Variants in ANGPT2 observed in about 807,000 individuals in gnomAD.
The protein encoded by ANGPT2 is angiopoietin-2.
Under a neutral mutation model 62.9 loss-of-function variants are expected in ANGPT2, and 28 were observed. The observed-to-expected ratio is 0.44, with a 90% CI of 0.33 to 0.61. The LOEUF (loss-of-function observed/expected upper bound fraction) is 0.61. Ranked by LOEUF, ANGPT2 falls within the 20% of genes least tolerant of loss-of-function variation. The pLI is 0.03. For missense variants in ANGPT2, 727 were observed against 594.9 expected (o/e 1.22, Z -2.31); for synonymous variants, 284 against 207.8 (o/e 1.37, Z -3.15).
chr8:6,546,483 G>A (rs1226051838), intron 1 of ANGPT2, among the ~76,000 whole-genome samples: 1 of 152,116 alleles, frequency 6.6e-6, no homozygotes, highest in African/African-American at 2.4e-5. Context: ...TGCCTAACTG[G>A]CAAATATATT....
At chr8:6,504,317 CAAAAA>C (rs35379672) in intron 8 of ANGPT2, among the ~76,000 whole-genome samples, 1 of 85,914 alleles carries the variant, frequency 1.2e-5, no homozygotes. Context: ...GACTCCAGCT[CAAAAA>C]AAAAAAAAAA....
At chr8:6,550,107 C>T (rs1341124148) in intron 1 of ANGPT2, among the ~76,000 whole-genome samples, 1 of 152,210 alleles carries the variant, frequency 6.6e-6, no homozygotes, top group East Asian at 1.9e-4. Flanking sequence ...AAAAGAATTA[C>T]ATTTCAATTT....
Position 6,501,732 on chromosome 8 carries a change from T to G in ANGPT2, c.*1369A>C, listed in dbSNP as rs886468804. The G allele has an allele frequency of 1.3e-5, 2 of 151,796 alleles. No homozygotes were observed. 9.4% of individuals were successfully genotyped at this position (151,796 alleles called of 1,614,324 possible). A position where few individuals can be genotyped will look rare whatever the true frequency, so the allele number is the denominator to read the frequency against. On this transcript the variant is annotated 3_prime_UTR_variant, in exon 9 of 9. Coordinates refer to ENST00000629816, the MANE Select transcript of ANGPT2 (RefSeq NM_001118887.2). The stretch of plus-strand genomic sequence containing the variant: ...CAGCACGCCTGGCTAATTTTTGTAT[T>G]ATTTAGTAGAGACAGGGTTTCACCA...
In ANGPT2 at chr8:6,513,701, G is replaced by C; in HGVS notation, c.1173C>G (p.Leu391=). Residue 391 remains leucine, a synonymous_variant, in exon 7 of 9, where the codon CTC becomes CTG. Transcript: ENST00000629816. ...ACCTATAATTGAGTTCTTCACTTGA[G>C]AGATAGAAATGTTCATACAATGAGT... ...EAYSLYEHFY[L]SSEELNYRIH... 6.2e-7 allele frequency: 1 copy of C among 1,611,882 alleles called. No homozygotes were observed. The highest frequency in any genetic ancestry group is 8.5e-7 in the Non-Finnish European group (1 of 1,179,428).
intron 1 of ANGPT2, among the ~76,000 whole-genome samples, chr8:6,547,289 T>TAA (rs1346228949): frequency 6.6e-6 from 1 of 152,100 alleles, no homozygotes; most frequent in African/African-American, 2.4e-5. Flanking sequence ...ATGCTTGTGG[T>TAA]AAAAGTACAG....
At chr8:6,561,618 C>G (rs1320461026) in intron 1 of ANGPT2, among the ~76,000 whole-genome samples, 1 of 152,240 alleles carries the variant, frequency 6.6e-6, no homozygotes, top group Non-Finnish European at 1.5e-5. Flanking sequence ...TAGATAATCA[C>G]ATTCCCTGCC....
chr8:6,552,516 G>T (rs1022311482), intron 1 of ANGPT2, among the ~76,000 whole-genome samples: 1 of 152,160 alleles, frequency 6.6e-6, no homozygotes, highest in Admixed American at 6.5e-5. Context: ...CATTTAACCC[G>T]ATTAGGGTGA....
chr8:6,532,342 A>G lies in ANGPT2; in HGVS notation c.434T>C (p.Val145Ala), dbSNP rs1161598061. 6.2e-7 allele frequency: 1 copy of G among 1,613,968 alleles called. No individual in the cohort carries two copies. The highest frequency in any genetic ancestry group is 2.2e-5 in the East Asian group (1 of 44,890). ...TGTGGCATTACTTACTTGGGCTTCCACATCAGTTAACTTCCGCGTTTGCTC... is the reference window on the plus strand; with the variant it reads ...TGTGGCATTACTTACTTGGGCTTCCGCATCAGTTAACTTCCGCGTTTGCTC... ...TAEQTRKLTDVEAQVLNQTTR... is the reference protein window; with the variant it reads ...TAEQTRKLTDAEAQVLNQTTR... The change falls in exon 2 of 9, where the codon GTG becomes GCG. Residue 145 changes from valine to alanine, a missense_variant. Val to Ala is a moderately conservative substitution (Grantham distance 64). Transcript: ENST00000629816.
intron 1 of ANGPT2, among the ~76,000 whole-genome samples, chr8:6,532,848 C>A (rs528264562): frequency 1.3e-5 from 2 of 152,184 alleles, no homozygotes; most frequent in South Asian, 2.1e-4. Flanking sequence ...TCCTACCCAG[C>A]TGCAACTCTG....
intron 2 of ANGPT2, 124 bp from the exon 3 acceptor site, chr8:6,527,800 G>T: frequency 1.1e-6 from 1 of 911,094 alleles, no homozygotes; most frequent in Non-Finnish European, 1.6e-6. Flanking sequence ...ATTAACCCAA[G>T]TATCTTATTT....
intron 1 of ANGPT2, among the ~76,000 whole-genome samples, chr8:6,552,248 G>T (rs536604814): frequency 1.3e-5 from 2 of 152,172 alleles, no homozygotes. Flanking sequence ...AAGCAGCATT[G>T]CTTACGACTC....
chr8:6,530,400 G>A (rs538809676), intron 2 of ANGPT2, among the ~76,000 whole-genome samples: 4 of 151,380 alleles, frequency 2.6e-5, no homozygotes, highest in Admixed American at 6.6e-5. Context: ...TCCCAGCTAC[G>A]CGGGAGGCTA....
intron 1 of ANGPT2, among the ~76,000 whole-genome samples, chr8:6,554,179 C>T (rs1319838558): frequency 6.6e-6 from 1 of 150,718 alleles, no homozygotes; most frequent in African/African-American, 2.5e-5. Flanking sequence ...ATTAAACCAC[C>T]TGGATAGCCC....
chr8:6,508,785 C>G, intron 8 of ANGPT2, 147 bp downstream of exon 8: 1 of 1,170,370 alleles, frequency 8.5e-7, no homozygotes, highest in Non-Finnish European at 1.2e-6. Context: ...AAGTGAAAAA[C>G]ACATTTACCT....
intron 2 of ANGPT2, among the ~76,000 whole-genome samples, chr8:6,530,784 C>T (rs1012220822): frequency 6.6e-6 from 1 of 152,086 alleles, no homozygotes; most frequent in Admixed American, 6.6e-5. Flanking sequence ...TCTATCATTT[C>T]ACTACTGTTT....
intron 1 of ANGPT2, among the ~76,000 whole-genome samples, chr8:6,544,895 T>C (rs897077325): frequency 1.3e-5 from 2 of 152,210 alleles, no homozygotes; most frequent in African/African-American, 4.8e-5. Context: ...AACATCAGAT[T>C]CTTTGGTCAG....
rs1818546739 is a variant in ANGPT2, at chr8:6,527,475, A to G, written c.566+80T>C. Reference sequence around the variant, plus strand: ...AGACATGAAGAAACTCACCATTCTGATAATTCATCATTTGAGACCGACTTT... The same window carrying G: ...AGACATGAAGAAACTCACCATTCTGGTAATTCATCATTTGAGACCGACTTT... On this transcript the variant is annotated intron_variant, in intron 3 of 8. Coordinates refer to ENST00000629816, the MANE Select transcript of ANGPT2 (RefSeq NM_001118887.2). 5 of 1,520,562 alleles carry G rather than the reference A, an allele frequency of 3.3e-6. No individual in the cohort carries two copies. In the South Asian group the frequency reaches 6.0e-5, roughly 18 times the overall value. 94.2% of individuals were successfully genotyped at this position (1,520,562 alleles called of 1,614,324 possible).
intron 8 of ANGPT2, among the ~76,000 whole-genome samples, chr8:6,505,753 CGTATATATAGA>C (rs1286454044): frequency 2.3e-5 from 3 of 127,952 alleles, no homozygotes; most frequent in African/African-American, 8.9e-5. Context: ...TTTATATATA[CGTATATATAGA>C]ATATATATAT....
intron 1 of ANGPT2, among the ~76,000 whole-genome samples, chr8:6,549,274 T>A (rs1823160624): frequency 6.6e-6 from 1 of 152,148 alleles, no homozygotes; most frequent in Non-Finnish European, 1.5e-5. Flanking sequence ...CACTGCACGG[T>A]GATGGAAAAG....
Sources: gnomAD v4.1 joint callset for allele counts (sites outside exome capture counted in the v4.1 genomes callset) on GRCh38, gnomAD v4.1.1 for gene constraint, MANE v1.5 for transcripts, NCBI Gene and HGNC (gene_info 2026-07-23, HGNC 2026-07-21) for gene names.